ARAP2: variants seen among roughly 807,000 people sequenced by gnomAD.
ARAP2 encodes ArfGAP with RhoGAP domain, ankyrin repeat and PH domain 2, also known as arf-GAP with Rho-GAP domain, ANK repeat and PH domain-containing protein 2.
In ARAP2, 148 loss-of-function variants were observed where a neutral mutation model predicts 194.5. That is an observed-to-expected ratio of 0.76 (90% CI 0.67 to 0.87). The LOEUF (loss-of-function observed/expected upper bound fraction) is 0.87. Ranked by LOEUF, ARAP2 falls within the 40% of genes least tolerant of loss-of-function variation. The pLI, the probability that ARAP2 is intolerant of heterozygous loss-of-function variation, is 0.00. For missense variants in ARAP2, 2,128 were observed against 1,989.7 expected (o/e 1.07, Z -1.32); for synonymous variants, 695 against 683.5 (o/e 1.02, Z -0.26).
At chr4:36,082,226 C>A (rs1355821407) in intron 30 of ARAP2, 25 bp downstream of exon 30, 2 of 1,602,592 alleles carry the variant, frequency 1.2e-6, no homozygotes, top group Non-Finnish European at 1.7e-6. Context: ...ATATTATGTC[C>A]AAAAGTTGTC....
At chr4:36,168,278 T>TG (rs1735746160) in intron 9 of ARAP2, among the ~76,000 whole-genome samples, 1 of 152,184 alleles carries the variant, frequency 6.6e-6, no homozygotes, top group Non-Finnish European at 1.5e-5. Context: ...TTCCATCTTC[T>TG]GGGGAAGTAA....
downstream of ARAP2, among the ~76,000 whole-genome samples, chr4:36,062,048 C>T (rs74371080): frequency 6.4e-3 from 969 of 152,248 alleles, 5 homozygotes; most frequent in Non-Finnish European, 0.011. Flanking sequence ...GGTTATTAAT[C>T]CCTTGACAGT....
intron 3 of ARAP2, among the ~76,000 whole-genome samples, chr4:36,049,791 G>A (rs1722375928): frequency 6.6e-6 from 1 of 152,072 alleles, no homozygotes; most frequent in Non-Finnish European, 1.5e-5. Flanking sequence ...TAAACATGGA[G>A]TATAAGGCTT....
At chr4:36,140,315 T>G (rs988035145) in intron 19 of ARAP2, among the ~76,000 whole-genome samples, 3 of 151,754 alleles carry the variant, frequency 2.0e-5, no homozygotes, top group Admixed American at 1.3e-4. Context: ...AATACACGTT[T>G]TAAAATCTAC....
intron 9 of ARAP2, among the ~76,000 whole-genome samples, chr4:36,174,260 A>G (rs1737315573): frequency 6.6e-6 from 1 of 152,260 alleles, no homozygotes; most frequent in Non-Finnish European, 1.5e-5. Context: ...CTGTCATATT[A>G]TAACACATTG....
chr4:36,015,290 G>A (rs1715582361), intron 8 of ARAP2: 1 of 152,170 alleles, frequency 6.6e-6, no homozygotes, highest in African/African-American at 2.4e-5. Context: ...GTATAGCAAA[G>A]TTAAATGTCT....
intron 5 of ARAP2, among the ~76,000 whole-genome samples, chr4:36,034,402 G>A (rs886562575): frequency 6.6e-6 from 1 of 151,974 alleles, no homozygotes; most frequent in Non-Finnish European, 1.5e-5. Flanking sequence ...TATTTTTGTG[G>A]ATATTGTGAA....
chr4:36,142,347 G>A (rs4833123), intron 19 of ARAP2, among the ~76,000 whole-genome samples: 48,308 of 151,236 alleles, frequency 0.32, 8,864 homozygotes, highest in East Asian at 0.46. Flanking sequence ...TTAAACTTGT[G>A]TAAGTTTAAG....
chr4:36,053,119 G>A (rs1042727268), intron 2 of ARAP2, among the ~76,000 whole-genome samples: 1 of 151,620 alleles, frequency 6.6e-6, no homozygotes, highest in Non-Finnish European at 1.5e-5. Flanking sequence ...GCGATTCTCT[G>A]CCTCAGCCTC....
chr4:36,129,998 C>G (rs1254428805), intron 20 of ARAP2, among the ~76,000 whole-genome samples: 2 of 151,884 alleles, frequency 1.3e-5, no homozygotes, highest in South Asian at 2.1e-4. Flanking sequence ...CTCCCTAGCC[C>G]TTTACAAGTC....
At chr4:36,152,319 T>C (rs1389285085) in intron 15 of ARAP2, among the ~76,000 whole-genome samples, 1 of 152,150 alleles carries the variant, frequency 6.6e-6, no homozygotes, top group African/African-American at 2.4e-5. Flanking sequence ...GTGTATGTCC[T>C]GCACAGTTAG....
chr4:36,153,533 T>C (rs998878980), intron 15 of ARAP2, among the ~76,000 whole-genome samples: 4 of 152,198 alleles, frequency 2.6e-5, no homozygotes, highest in Middle Eastern at 3.2e-3. Flanking sequence ...ATATGTAAGA[T>C]GCAAGTAAAG....
At chr4:36,040,454 T>C (rs575402114) in intron 5 of ARAP2, among the ~76,000 whole-genome samples, 3 of 152,336 alleles carry the variant, frequency 2.0e-5, no homozygotes, top group East Asian at 1.9e-4. Flanking sequence ...TTTAATGATA[T>C]TGATTCTTTC....
intron 20 of ARAP2, 135 bp downstream of exon 20, chr4:36,133,091 A>G: frequency 1.2e-6 from 1 of 806,652 alleles, no homozygotes; most frequent in South Asian, 2.3e-5. Flanking sequence ...TGAACAGTAA[A>G]TCTGCCTTTA....
intron 5 of ARAP2, among the ~76,000 whole-genome samples, chr4:36,036,709 A>G (rs1200056332): frequency 6.6e-6 from 1 of 152,146 alleles, no homozygotes; most frequent in East Asian, 1.9e-4. Flanking sequence ...AGTGACTAAA[A>G]TATCTACTCC....
At position 36,165,417 on chromosome 4, in the gene ARAP2, T is replaced by C. The variant is rs142036468; in HGVS notation, c.1974-304A>G. ...AGCCTAAACAAGAGGCTATGTTTCC[T>C]AAGCAATGGTTATGTAATCATCAAT... is the stretch of plus-strand genomic sequence containing the variant. On this transcript the variant is annotated intron_variant, in intron 10 of 32. Coordinates refer to ENST00000303965, the MANE Select transcript of ARAP2 (RefSeq NM_015230.4). Among the ~76,000 whole-genome samples, 702 of 152,304 alleles carry C rather than the reference T, an allele frequency of 4.6e-3. 3 individuals carry two copies. The highest frequency in any genetic ancestry group is 0.017 in the South Asian group (81 of 4,828).
intron 9 of ARAP2, among the ~76,000 whole-genome samples, chr4:36,174,929 G>A: frequency 6.6e-6 from 1 of 152,104 alleles, no homozygotes; most frequent in Middle Eastern, 3.2e-3. Flanking sequence ...GCCATTGTCT[G>A]TTTACTCTCT....
intron 27 of ARAP2, among the ~76,000 whole-genome samples, chr4:36,099,552 T>G (rs1716290433): frequency 6.6e-6 from 1 of 152,124 alleles, no homozygotes; most frequent in Non-Finnish European, 1.5e-5. Context: ...GAGCCTTCCC[T>G]GGTTTGTGAC....
chr4:36,055,515 G>A (rs1328679958), intron 2 of ARAP2, among the ~76,000 whole-genome samples: 1 of 152,092 alleles, frequency 6.6e-6, no homozygotes, highest in Non-Finnish European at 1.5e-5. Context: ...AGTGTGGGAA[G>A]TGACTGATTT....
Sources: allele counts gnomAD v4.1 joint callset (sites outside exome capture counted in the v4.1 genomes callset), GRCh38; gene constraint gnomAD v4.1.1; transcripts MANE v1.5; gene names NCBI Gene and HGNC (gene_info 2026-07-23, HGNC 2026-07-21).